The following REPS1 variants were observed in gnomAD, a reference collection of about 807,000 sequenced individuals.
REPS1 encodes ralBP1-associated Eps domain-containing protein 1.
REPS1 carries 39 observed loss-of-function variants against 100.9 expected under a neutral mutation model. The ratio of observed to expected loss-of-function variants is 0.39; its 90% confidence interval spans 0.30 to 0.50. The LOEUF (loss-of-function observed/expected upper bound fraction) is 0.50. REPS1 is among the 20% of genes least tolerant of loss of function. The pLI, the probability that REPS1 is intolerant of heterozygous loss-of-function variation, is 0.86. For missense variants in REPS1, 821 were observed against 968.5 expected (o/e 0.85, Z 2.02); for synonymous variants, 324 against 340.3 (o/e 0.95, Z 0.53).
intron 16 of REPS1, 54 bp from the exon 17 acceptor site, chr6:138,911,425 TAA>T: frequency 1.8e-6 from 2 of 1,099,928 alleles, no homozygotes. Flanking sequence ...TAATTATGCA[TAA>T]ATATAGAATA....
chr6:138,918,389 T>C (rs1780546288), intron 12 of REPS1, among the ~76,000 whole-genome samples: 1 of 152,238 alleles, frequency 6.6e-6, no homozygotes, highest in South Asian at 2.1e-4. Flanking sequence ...TCACAGATTT[T>C]GGTACCCATG....
intron 1 of REPS1, among the ~76,000 whole-genome samples, chr6:138,952,394 T>C (rs983302931): frequency 3.9e-5 from 6 of 152,066 alleles, no homozygotes; most frequent in African/African-American, 1.2e-4. Flanking sequence ...AGTAGCATTT[T>C]TTTTTCTTTT....
intron 1 of REPS1, among the ~76,000 whole-genome samples, chr6:138,976,800 A>T (rs1282313452): frequency 6.6e-6 from 1 of 152,182 alleles, no homozygotes; most frequent in Non-Finnish European, 1.5e-5. Context: ...ACAGTGAATA[A>T]ATGTTAGCTT....
At chr6:138,958,341 A>C (rs542488528) in intron 1 of REPS1, among the ~76,000 whole-genome samples, 3 of 152,330 alleles carry the variant, frequency 2.0e-5, no homozygotes, top group African/African-American at 7.2e-5. Context: ...GAACTATCTG[A>C]CTTTTTAAAA....
At chr6:138,908,363 C>G (rs1289225114) in intron 18 of REPS1, among the ~76,000 whole-genome samples, 1 of 152,086 alleles carries the variant, frequency 6.6e-6, no homozygotes, top group Non-Finnish European at 1.5e-5. Flanking sequence ...GGTGCCACCT[C>G]GGCTCACTGC....
At chr6:138,930,248 A>C (rs1781406542) in intron 8 of REPS1, 150 bp from the exon 9 acceptor site, 1 of 611,992 alleles carries the variant, frequency 1.6e-6, no homozygotes. Flanking sequence ...CAGAGTAAGC[A>C]TTTTAACAGA....
intron 8 of REPS1, among the ~76,000 whole-genome samples, chr6:138,932,649 T>C (rs182708767): frequency 6.6e-6 from 1 of 152,336 alleles, no homozygotes; most frequent in African/African-American, 2.4e-5. Context: ...AATGGTTGTC[T>C]CAGAGAAAAG....
In REPS1 at chr6:138,904,299, A is replaced by C. The variant is rs1429135524; in HGVS notation, c.*765T>G. ...GGCTAAAGGTAAACTAGAAATCCTA[A>C]GGAATTTCCCTTTATTCTGGGAATA... On this transcript the variant is annotated 3_prime_UTR_variant, in exon 20 of 20. Transcript: ENST00000450536. The C allele has an allele frequency of 1.3e-5, 2 of 152,252 alleles. No individual in the cohort carries two copies. Among genetic ancestry groups the C allele is most frequent in the African/African-American group, 4.8e-5 (2 of 41,472 alleles). The allele number at this position is 152,252 out of a possible 1,614,324, so 9.4% of individuals were successfully genotyped here. A position where few individuals can be genotyped will look rare whatever the true frequency, so the allele number is the denominator to read the frequency against.
chr6:138,959,888 T>C (rs1035520176), intron 1 of REPS1, among the ~76,000 whole-genome samples: 4 of 152,188 alleles, frequency 2.6e-5, no homozygotes. Context: ...CCCCAGTTCA[T>C]AGGAAAGAAA....
chr6:138,952,642 C>A (rs9389636), intron 1 of REPS1, among the ~76,000 whole-genome samples: 60,427 of 151,154 alleles, frequency 0.4, 12,485 homozygotes, highest in East Asian at 0.63. Context: ...TCAAGTGATC[C>A]GCCTGCCTCA....
At chr6:138,925,317 A>C (rs555059114) in intron 10 of REPS1, among the ~76,000 whole-genome samples, 2 of 152,310 alleles carry the variant, frequency 1.3e-5, no homozygotes, top group East Asian at 3.9e-4. Context: ...CAGTGAGCTG[A>C]GATCGCACCA....
chr6:138,907,442 T>C, intron 19 of REPS1, 53 bp downstream of exon 19: 1 of 1,259,620 alleles, frequency 7.9e-7, no homozygotes, highest in Non-Finnish European at 1.2e-6. Flanking sequence ...TCCTTCTCTT[T>C]AGGTTTCTTT....
intron 17 of REPS1, among the ~76,000 whole-genome samples, chr6:138,910,167 A>G (rs1180525534): frequency 6.6e-6 from 1 of 151,884 alleles, no homozygotes; most frequent in East Asian, 1.9e-4. Context: ...ATGAGTTCTT[A>G]CTCTTGAGTT....
At chr6:138,926,724 G>T in intron 9 of REPS1, 1 of 407,004 alleles carries the variant, frequency 2.5e-6, no homozygotes. Context: ...CTATGGAAGA[G>T]ATTTAAAGCC....
chr6:138,979,457 C>A (rs377217272), intron 1 of REPS1, among the ~76,000 whole-genome samples: 1 of 152,028 alleles, frequency 6.6e-6, no homozygotes, highest in Non-Finnish European at 1.5e-5. Flanking sequence ...ATCTATACAC[C>A]CTGTCTCTAG....
chr6:138,986,150 G>A (rs1453868623), intron 1 of REPS1, among the ~76,000 whole-genome samples: 3 of 152,122 alleles, frequency 2.0e-5, no homozygotes, highest in African/African-American at 7.2e-5. Flanking sequence ...ACATTTTTGT[G>A]TTTTGTAAAC....
At position 138,945,600 on chromosome 6, in the gene REPS1, C is replaced by T. The variant is rs372546561; in HGVS notation, c.375G>A (p.Ser125=). Residue 125 remains serine (S), a synonymous_variant, in exon 3 of 20, where the codon TCG becomes TCA. Coordinates refer to ENST00000450536, the MANE Select transcript of REPS1 (RefSeq NM_001286611.2). Reference sequence around the variant, plus strand: ...GTGGTGGGGGAATTACACCAGAATACGACCCTTGATTTTCAGAATCTGAAG... The same window carrying T: ...GTGGTGGGGGAATTACACCAGAATATGACCCTTGATTTTCAGAATCTGAAG... ...SYSSDSENQG[S]YSGVIPPPPG... 1.3e-4 allele frequency: 215 copies of T among 1,613,546 alleles called. No homozygotes were observed. Among genetic ancestry groups the T allele is most frequent in the Non-Finnish European group, 1.7e-4 (204 of 1,179,824 alleles).
chr6:138,925,210 C>CACAAAT (rs1781025672), intron 10 of REPS1, among the ~76,000 whole-genome samples: 1 of 151,424 alleles, frequency 6.6e-6, no homozygotes, highest in Non-Finnish European at 1.5e-5. Context: ...CACACACACA[C>CACAAAT]ACACAAATTA....
chr6:138,971,590 T>TTA (rs1784349687), intron 1 of REPS1, among the ~76,000 whole-genome samples: 1 of 151,808 alleles, frequency 6.6e-6, no homozygotes, highest in East Asian at 1.9e-4. Flanking sequence ...CTGCTATAGA[T>TTA]AAAAAAAAGT....
Sources: allele counts gnomAD v4.1 joint callset (sites outside exome capture counted in the v4.1 genomes callset), GRCh38; gene constraint gnomAD v4.1.1; transcripts MANE v1.5; gene names NCBI Gene and HGNC (gene_info 2026-07-23, HGNC 2026-07-21).